The following ETV4 variants were observed in gnomAD, a reference collection of about 807,000 sequenced individuals.
ETV4 encodes the protein ETS variant transcription factor 4, also known as ETS translocation variant 4.
Under a neutral mutation model 65.9 loss-of-function variants are expected in ETV4, and 42 were observed. The ratio of observed to expected loss-of-function variants is 0.64; its 90% CI spans 0.50 to 0.82. ETV4 has a LOEUF of 0.82. Among genes scored for constraint, ETV4 ranks in the 40% least tolerant of loss-of-function variants. ETV4 has a pLI of 0.00. For synonymous variants in ETV4, 238 were observed against 260.0 expected, an observed-to-expected ratio of 0.92 and a Z score of 0.81; for missense variants, 583 against 630.3, an observed-to-expected ratio of 0.92 and a Z score of 0.80.
Position 43,533,907 on chromosome 17 carries a change from CTGCTGCAGG to C in ETV4, c.326_334del (p.Ser109_Arg112delinsTrp), listed in dbSNP as rs1971096747. 6.3e-7 allele frequency: 1 copy of C among 1,595,906 alleles called. No homozygotes were observed. On this transcript the variant is annotated inframe_deletion, in exon 6 of 13. Coordinates refer to ENST00000319349, the MANE Select transcript of ETV4 (RefSeq NM_001079675.5). ...ATGGTGGTAGGGGAGTGGCGGCTTCCTGCTGCAGGACAGGGCCGGGTCTGTGCGGGGACT... is the reference window on the plus strand; with the variant it reads ...ATGGTGGTAGGGGAGTGGCGGCTTCCACAGGGCCGGGTCTGTGCGGGGACT...
chr17:43,537,986 CG>C (rs940549402), intron 4 of ETV4, among the ~76,000 whole-genome samples: 4 of 151,940 alleles, frequency 2.6e-5, no homozygotes, highest in African/African-American at 9.7e-5. Flanking sequence ...AAAAATTAGC[CG>C]GGTGTGGTGG....
intron 4 of ETV4, among the ~76,000 whole-genome samples, chr17:43,543,376 G>A (rs1230943509): frequency 6.6e-6 from 1 of 151,866 alleles, no homozygotes; most frequent in Non-Finnish European, 1.5e-5. Context: ...CAAGGGGTGG[G>A]ACTTCCAAGG....
In ETV4 at chr17:43,545,512, G is replaced by C; in HGVS notation, c.60+46C>G. 2.6e-6 allele frequency: 4 copies of C among 1,514,424 alleles called. No individual in the cohort carries two copies. In the South Asian group the frequency reaches 3.6e-5, roughly 14 times the overall value. 93.8% of individuals were successfully genotyped at this position (1,514,424 alleles called of 1,614,324 possible). A position where few individuals can be genotyped will look rare whatever the true frequency, so the allele number is the denominator to read the frequency against. ...GAGGGGGGCTGTGGTGAGAGTAGGG[G>C]CTGGGTGCGGGGCGGGGCGGGCGTG... On this transcript the variant is annotated intron_variant, in intron 2 of 12. Coordinates refer to ENST00000319349, the MANE Select transcript of ETV4 (RefSeq NM_001079675.5).
Position 43,533,927 on chromosome 17 carries a change from G to A in ETV4, c.315C>T (p.Asp105=). 1 of 1,582,884 alleles carries A rather than the reference G, an allele frequency of 6.3e-7. No individual in the cohort carries two copies. The change falls in exon 6 of 13, where the codon GAC becomes GAT. Residue 105 remains aspartate, a synonymous_variant. Transcript: ENST00000319349. The part of the protein sequence containing the change: ...IKKEPQSPRT[D]PALSCSRKPP... ...GCTTCCTGCTGCAGGACAGGGCCGG[G>A]TCTGTGCGGGGACTCTGGGGCTCCT... is the stretch of plus-strand genomic sequence containing the variant.
Position 43,536,406 on chromosome 17 carries a change from C to A in ETV4, c.256+20G>T, listed in dbSNP as rs1276097171. On this transcript the variant is annotated intron_variant, in intron 5 of 12. Coordinates refer to ENST00000319349, the MANE Select transcript of ETV4 (RefSeq NM_001079675.5). ...CCATCCTCCACTCCCTATACCCTCT[C>A]CCCAGGGACCTCTACTCACGGTTTT... The A allele has an allele frequency of 6.2e-7, 1 of 1,611,826 alleles. No homozygotes were observed. The highest frequency in any genetic ancestry group is 8.5e-7 in the Non-Finnish European group (1 of 1,177,864).
At chr17:43,536,611 T>C (rs1971255801) in intron 4 of ETV4, 132 bp from the exon 5 acceptor site, 2 of 691,998 alleles carry the variant, frequency 2.9e-6, no homozygotes, top group Non-Finnish European at 5.1e-6. Context: ...GGTGTCCACA[T>C]TGTAAGAATT....
At chr17:43,543,819 T>C (rs1335535282) in intron 4 of ETV4, 1 of 152,200 alleles carries the variant, frequency 6.6e-6, no homozygotes, top group Non-Finnish European at 1.5e-5. Flanking sequence ...GCTTGCTCTA[T>C]GCTAAATAGT....
intron 8 of ETV4, among the ~76,000 whole-genome samples, chr17:43,531,638 C>A (rs1320171541): frequency 2.6e-5 from 4 of 152,154 alleles, no homozygotes; most frequent in African/African-American, 9.7e-5. Context: ...CAGTGGCACT[C>A]CAGCCTGGGC....
intron 1 of ETV4, chr17:43,545,983 G>GTA (rs1971805652): frequency 2.6e-5 from 6 of 227,128 alleles, no homozygotes; most frequent in South Asian, 1.4e-4. Flanking sequence ...GTGTGTGTAC[G>GTA]CGCGCGCGCG....
chr17:43,534,373 A>G (rs1365413807), intron 5 of ETV4, among the ~76,000 whole-genome samples: 1 of 152,106 alleles, frequency 6.6e-6, no homozygotes, highest in Non-Finnish European at 1.5e-5. Context: ...GGATGCCTGT[A>G]GTCCCAGCTA....
intron 5 of ETV4, 94 bp from the exon 6 acceptor site, chr17:43,534,079 G>C: frequency 7.6e-7 from 1 of 1,313,124 alleles, no homozygotes; most frequent in Non-Finnish European, 9.8e-7. Flanking sequence ...GGACCAGCTG[G>C]GTGACTGGTA....
intron 8 of ETV4, 94 bp from the exon 9 acceptor site, chr17:43,530,275 C>T: frequency 6.6e-7 from 1 of 1,526,230 alleles, no homozygotes; most frequent in Non-Finnish European, 8.8e-7. Context: ...AGAATTTCTT[C>T]CTTCCAGCCT....
intron 8 of ETV4, among the ~76,000 whole-genome samples, chr17:43,531,660 A>G (rs1014942660): frequency 6.6e-6 from 1 of 152,092 alleles, no homozygotes; most frequent in Admixed American, 6.6e-5. Context: ...AGAGAGCAAG[A>G]CTCCATCTCA....
chr17:43,545,656 C>T lies in ETV4; in HGVS notation c.-39G>A, dbSNP rs1265810407. The T allele has an allele frequency of 2.9e-5, 44 of 1,513,730 alleles. No individual in the cohort carries two copies. The highest frequency in any genetic ancestry group is 3.6e-5 in the Non-Finnish European group (40 of 1,125,318). 93.8% of individuals were successfully genotyped at this position (1,513,730 alleles called of 1,614,324 possible). On this transcript the variant is annotated 5_prime_UTR_variant, in exon 2 of 13. Transcript: ENST00000319349. ...CCGGCCGCACGGCCGGGGCCCCAAG[C>T]GGGGGCCGAGACCTGGTGGGGGAGG...
At chr17:43,540,049 G>C (rs1171764202) in intron 4 of ETV4, among the ~76,000 whole-genome samples, 1 of 152,160 alleles carries the variant, frequency 6.6e-6, no homozygotes, top group Non-Finnish European at 1.5e-5. Flanking sequence ...CCGCTGGCAA[G>C]AACAAACAGA....
At chr17:43,542,149 G>C (rs1598217249) in intron 4 of ETV4, among the ~76,000 whole-genome samples, 1 of 152,180 alleles carries the variant, frequency 6.6e-6, no homozygotes, top group Non-Finnish European at 1.5e-5. Context: ...AGTGATTCCT[G>C]TGAAAAGGGG....
intron 8 of ETV4, among the ~76,000 whole-genome samples, chr17:43,530,980 G>A (rs1346965880): frequency 1.3e-5 from 2 of 152,078 alleles, no homozygotes; most frequent in Non-Finnish European, 2.9e-5. Context: ...GGAGTTCAAG[G>A]GCATGTAACA....
At position 43,545,674 on chromosome 17, in the gene ETV4, G is replaced by T. The variant is rs933783008; in HGVS notation, c.-51-6C>A. 4 of 1,471,324 alleles carry T rather than the reference G, an allele frequency of 2.7e-6. No homozygotes were observed. Among genetic ancestry groups the T allele is most frequent in the East Asian group, 2.5e-5 (1 of 40,518 alleles). 91.1% of individuals were successfully genotyped at this position (1,471,324 alleles called of 1,614,324 possible). Reference sequence around the variant, plus strand: ...CCCCAAGCGGGGGCCGAGACCTGGTGGGGGAGGGGGCTGCGTTCGCACACC... The same window carrying T: ...CCCCAAGCGGGGGCCGAGACCTGGTTGGGGAGGGGGCTGCGTTCGCACACC... On this transcript the variant is annotated splice_region_variant and splice_polypyrimidine_tract_variant and intron_variant, in intron 1 of 12. Transcript: ENST00000319349.
chr17:43,543,496 A>G (rs1971634754), intron 4 of ETV4, among the ~76,000 whole-genome samples: 1 of 152,000 alleles, frequency 6.6e-6, no homozygotes, highest in South Asian at 2.1e-4. Flanking sequence ...CAGCCCTAGG[A>G]GCTGCCCACT....
Sources: gnomAD v4.1 joint callset for allele counts (sites outside exome capture counted in the v4.1 genomes callset) on GRCh38, gnomAD v4.1.1 for gene constraint, MANE v1.5 for transcripts, NCBI Gene and HGNC (gene_info 2026-07-23, HGNC 2026-07-21) for gene names.